MAPKAP1: variants seen among roughly 807,000 people sequenced by gnomAD.
MAPKAP1 encodes target of rapamycin complex 2 subunit MAPKAP1.
A neutral mutation model predicts 65.7 loss-of-function variants in MAPKAP1; 20 were observed. The observed-to-expected ratio is 0.30, with a 90% CI of 0.21 to 0.44. The LOEUF (loss-of-function observed/expected upper bound fraction) is 0.44. Among genes scored for constraint, MAPKAP1 ranks in the 20% least tolerant of loss-of-function variants. MAPKAP1 has a pLI of 1.00. For missense variants in MAPKAP1, 423 were observed against 648.0 expected (o/e 0.65, Z 3.77); for synonymous variants, 222 against 244.3 (o/e 0.91, Z 0.85).
chr9:125,592,599 A>G (rs761706450), intron 4 of MAPKAP1, among the ~76,000 whole-genome samples: 1 of 152,216 alleles, frequency 6.6e-6, no homozygotes, highest in African/African-American at 2.4e-5. Flanking sequence ...TCAAGTAGGC[A>G]TCATTAAGAA....
At chr9:125,694,901 G>A (rs1211576716) in intron 1 of MAPKAP1, among the ~76,000 whole-genome samples, 1 of 152,162 alleles carries the variant, frequency 6.6e-6, no homozygotes, top group African/African-American at 2.4e-5. Context: ...ATTCTTATAA[G>A]TCCCAAGTAT....
intron 9 of MAPKAP1, among the ~76,000 whole-genome samples, chr9:125,473,243 G>C (rs1853988197): frequency 6.6e-6 from 1 of 152,124 alleles, no homozygotes; most frequent in Non-Finnish European, 1.5e-5. Context: ...GCTCAGGCAG[G>C]TGGGGAAGAA....
intron 3 of MAPKAP1, among the ~76,000 whole-genome samples, chr9:125,669,353 G>A (rs1332335126): frequency 1.3e-5 from 2 of 151,412 alleles, no homozygotes; most frequent in East Asian, 1.9e-4. Context: ...GGTGGCATGC[G>A]CCTGTAATCC....
intron 9 of MAPKAP1, among the ~76,000 whole-genome samples, chr9:125,468,857 TA>T (rs1853785953): frequency 6.6e-6 from 1 of 152,152 alleles, no homozygotes; most frequent in East Asian, 1.9e-4. Flanking sequence ...TTTCAGAGCT[TA>T]AAAGACAACA....
At chr9:125,503,222 C>G (rs1448558440) in intron 8 of MAPKAP1, among the ~76,000 whole-genome samples, 2 of 152,200 alleles carry the variant, frequency 1.3e-5, no homozygotes, top group African/African-American at 4.8e-5. Context: ...ACTGATATAT[C>G]TGGGTTTAAA....
At chr9:125,633,597 C>G (rs1365864721) in intron 4 of MAPKAP1, among the ~76,000 whole-genome samples, 2 of 152,154 alleles carry the variant, frequency 1.3e-5, no homozygotes, top group East Asian at 3.8e-4. Flanking sequence ...TATTTTGCAA[C>G]ATTGTCCCAT....
intron 4 of MAPKAP1, among the ~76,000 whole-genome samples, chr9:125,611,683 G>T (rs1477834045): frequency 6.6e-6 from 1 of 152,204 alleles, no homozygotes; most frequent in Non-Finnish European, 1.5e-5. Context: ...TGGAGCAGGT[G>T]TAACTATTTG....
intron 8 of MAPKAP1, chr9:125,506,010 C>T: frequency 2.5e-6 from 1 of 404,612 alleles, no homozygotes; most frequent in South Asian, 2.8e-5. Flanking sequence ...ATAGCCTTTA[C>T]TTCAGAAAAG....
intron 4 of MAPKAP1, among the ~76,000 whole-genome samples, chr9:125,607,331 G>A (rs1350373795): frequency 6.6e-6 from 1 of 152,196 alleles, no homozygotes; most frequent in Non-Finnish European, 1.5e-5. Context: ...AAGATATAAA[G>A]GGTGTTTTTC....
At chr9:125,500,264 T>C (rs1828931901) in intron 8 of MAPKAP1, among the ~76,000 whole-genome samples, 1 of 151,958 alleles carries the variant, frequency 6.6e-6, no homozygotes, top group Non-Finnish European at 1.5e-5. Context: ...CTTGGCTCAC[T>C]GCAAGCTCTG....
rs923676225 is a variant in MAPKAP1 at position 125,652,557 on chromosome 9, T to C, written c.498+5094A>G. ...TTCTAATAGAGAAATGGTTACTTTC[T>C]AACAAGTTAACACCATCAAAGTCAC... On this transcript the variant is annotated intron_variant, in intron 4 of 11. Transcript: ENST00000265960. 2.6e-4 allele frequency among the ~76,000 whole-genome samples: 40 copies of C among 152,214 alleles called. 1 individual carries two copies. The highest frequency in any genetic ancestry group is 4.4e-5 in the Non-Finnish European group (3 of 68,034).
chr9:125,646,919 C>A (rs1172592369), intron 4 of MAPKAP1, among the ~76,000 whole-genome samples: 1 of 152,208 alleles, frequency 6.6e-6, no homozygotes, highest in African/African-American at 2.4e-5. Flanking sequence ...GCCTCAGAGT[C>A]GCTGCACCAC....
chr9:125,628,957 A>G (rs958567797), intron 4 of MAPKAP1, among the ~76,000 whole-genome samples: 1 of 152,172 alleles, frequency 6.6e-6, no homozygotes, highest in African/African-American at 2.4e-5. Flanking sequence ...GACAACAAGC[A>G]TATGAGAAGA....
At chr9:125,483,324 C>G (rs1032049297) in intron 9 of MAPKAP1, among the ~76,000 whole-genome samples, 1 of 152,196 alleles carries the variant, frequency 6.6e-6, no homozygotes, top group Non-Finnish European at 1.5e-5. Flanking sequence ...TTGCCCATCT[C>G]TTAATCACTA....
At position 125,515,263 on chromosome 9, in the gene MAPKAP1, CTAGT is replaced by C. The variant is rs376878825; in HGVS notation, c.959-8850_959-8847del. On this transcript the variant is annotated intron_variant, in intron 7 of 11. Coordinates refer to ENST00000265960, the MANE Select transcript of MAPKAP1 (RefSeq NM_001006617.3). ...TGTTCCAATAAACCAATTCTCCTGC[CTAGT>C]TAAACTGCAAAACCTTCAGGAAAGG... is the stretch of plus-strand genomic sequence containing the variant. Among the ~76,000 whole-genome samples the C allele has an allele frequency of 3.6e-3, 548 of 152,232 alleles. 5 individuals are homozygous for C. The highest frequency in any genetic ancestry group is 0.012 in the African/African-American group (519 of 41,542).
At chr9:125,475,471 A>G (rs371320416) in intron 9 of MAPKAP1, among the ~76,000 whole-genome samples, 8 of 152,346 alleles carry the variant, frequency 5.3e-5, no homozygotes, top group African/African-American at 1.9e-4. Flanking sequence ...TTTGGGAACC[A>G]CAGCTAAAAG....
At position 125,664,724 on chromosome 9, in the gene MAPKAP1, CAAAA is replaced by C. The variant is rs1199612669; in HGVS notation, c.349+5090_349+5093del. ...TGGGCAACAGAGCAAGACTCACTCT[CAAAA>C]AAAAAAAAAAAAGGAAAAGAAAAAG... On this transcript the variant is annotated intron_variant, in intron 3 of 11. Transcript: ENST00000265960. Among the ~76,000 whole-genome samples, 17 of 59,928 alleles carry C rather than the reference CAAAA, an allele frequency of 2.8e-4. No homozygotes were observed. In the Admixed American group the frequency reaches 3.5e-3, roughly 12 times the overall value. 39.3% of individuals were successfully genotyped at this position (59,928 alleles called of 152,430 possible). A position where few individuals can be genotyped will look rare whatever the true frequency, so the allele number is the denominator to read the frequency against.
At position 125,553,085 on chromosome 9, in the gene MAPKAP1, G is replaced by T. The variant is rs189303586; in HGVS notation, c.848+6548C>A. ...TTATATATGTCACTGTGTGTGTGTGGGGGGGTGTATGAGATAAAGATACAG... is the reference window on the plus strand; with the variant it reads ...TTATATATGTCACTGTGTGTGTGTGTGGGGGTGTATGAGATAAAGATACAG... On this transcript the variant is annotated intron_variant, in intron 6 of 11. Coordinates refer to ENST00000265960, the MANE Select transcript of MAPKAP1 (RefSeq NM_001006617.3). Among the ~76,000 whole-genome samples the T allele has an allele frequency of 1.8e-4, 28 of 151,974 alleles. No homozygotes were observed. The East Asian group carries it at 2.9e-3, about 16-fold the overall frequency.
chr9:125,685,546 G>A (rs1260794652), intron 1 of MAPKAP1, among the ~76,000 whole-genome samples: 1 of 152,228 alleles, frequency 6.6e-6, no homozygotes, highest in Non-Finnish European at 1.5e-5. Flanking sequence ...GGTCACTGGA[G>A]GATTGTGAAT....
Sources: allele counts gnomAD v4.1 joint callset (sites outside exome capture counted in the v4.1 genomes callset), GRCh38; gene constraint gnomAD v4.1.1; transcripts MANE v1.5; gene names NCBI Gene and HGNC (gene_info 2026-07-23, HGNC 2026-07-21).